The following IFT88 variants were observed in gnomAD, a reference collection of about 807,000 sequenced individuals.
IFT88 encodes the protein intraflagellar transport 88, also known as intraflagellar transport protein 88 homolog.
IFT88 carries 74 observed loss-of-function variants against 119.5 expected under a neutral mutation model. The ratio of observed to expected loss-of-function variants is 0.62; its 90% confidence interval spans 0.51 to 0.75. IFT88 has a LOEUF of 0.75. IFT88 is among the 30% of genes least tolerant of loss of function. The pLI is 0.00. For synonymous variants in IFT88, 279 were observed against 316.7 expected, an observed-to-expected ratio of 0.88 and a Z score of 1.26; for missense variants, 961 against 977.7, an observed-to-expected ratio of 0.98 and a Z score of 0.23.
intron 13 of IFT88, among the ~76,000 whole-genome samples, chr13:20,612,733 A>C (rs1359508477): frequency 6.6e-6 from 1 of 152,234 alleles, no homozygotes; most frequent in African/African-American, 2.4e-5. Context: ...AGCAACATTG[A>C]TGAAGACACT....
At chr13:20,568,821 T>C (rs768633441) in intron 1 of IFT88, among the ~76,000 whole-genome samples, 2 of 152,036 alleles carry the variant, frequency 1.3e-5, no homozygotes, top group South Asian at 4.1e-4. Context: ...CCCGGGTTCA[T>C]GCCATTCTCC....
At chr13:20,583,142 A>G (rs1017799243) in intron 3 of IFT88, 123 bp downstream of exon 3, 2 of 574,356 alleles carry the variant, frequency 3.5e-6, no homozygotes, top group Non-Finnish European at 6.1e-6. Flanking sequence ...TTAAGTTTAG[A>G]TGGTAGTGAA....
Position 20,593,157 on chromosome 13 carries a change from G to A in IFT88, c.398+753G>A, listed in dbSNP as rs559507332. ...TTTTATAGAACAAACTTAATTTAGTGCTAGTGGCTAGACAGTAGCCAAAAA... is the reference window on the plus strand; with the variant it reads ...TTTTATAGAACAAACTTAATTTAGTACTAGTGGCTAGACAGTAGCCAAAAA... On this transcript the variant is annotated intron_variant, in intron 7 of 25. Transcript: ENST00000351808. Among the ~76,000 whole-genome samples the A allele has an allele frequency of 2.0e-5, 3 of 152,266 alleles. No homozygotes were observed. In the South Asian group the frequency reaches 6.2e-4, roughly 32 times the overall value.
intron 23 of IFT88, among the ~76,000 whole-genome samples, chr13:20,665,670 A>G (rs1053396307): frequency 6.6e-6 from 1 of 152,216 alleles, no homozygotes; most frequent in Non-Finnish European, 1.5e-5. Flanking sequence ...ACTCTCATGC[A>G]TTGCCCTGTG....
chr13:20,590,208 A>G (rs1444551045), intron 4 of IFT88, among the ~76,000 whole-genome samples: 1 of 152,176 alleles, frequency 6.6e-6, no homozygotes, highest in Non-Finnish European at 1.5e-5. Context: ...AGTGTATATA[A>G]TTGGGAAACA....
intron 6 of IFT88, 74 bp from the exon 7 acceptor site, chr13:20,592,261 G>T (rs887329062): frequency 2.8e-6 from 3 of 1,086,098 alleles, no homozygotes; most frequent in African/African-American, 3.2e-5. Flanking sequence ...GCTTATGCGA[G>T]GTTTTATATT....
At chr13:20,679,139 G>A (rs1417978659) in intron 24 of IFT88, among the ~76,000 whole-genome samples, 1 of 152,174 alleles carries the variant, frequency 6.6e-6, no homozygotes, top group Non-Finnish European at 1.5e-5. Flanking sequence ...CAGATGAGGA[G>A]TAATGCAAAA....
chr13:20,635,319 A>G (rs1594468887), intron 16 of IFT88, among the ~76,000 whole-genome samples: 1 of 152,176 alleles, frequency 6.6e-6, no homozygotes, highest in Non-Finnish European at 1.5e-5. Context: ...CTGAATGAAA[A>G]GACATGGCAC....
intron 23 of IFT88, among the ~76,000 whole-genome samples, chr13:20,667,057 T>A (rs2054829960): frequency 6.6e-6 from 1 of 152,236 alleles, no homozygotes; most frequent in Non-Finnish European, 1.5e-5. Context: ...TTCCGTCACT[T>A]TGTGCTCCAT....
intron 20 of IFT88, among the ~76,000 whole-genome samples, chr13:20,651,432 T>TAACA (rs755967854): frequency 0.21 from 30,691 of 145,046 alleles, 3,775 homozygotes; most frequent in African/African-American, 0.31. Context: ...TTACACATGT[T>TAACA]TGTGTAAGTA....
chr13:20,642,971 A>G (rs2050185937), intron 18 of IFT88: 1 of 151,048 alleles, frequency 6.6e-6, no homozygotes, highest in Admixed American at 6.6e-5. Context: ...ATATGAATAA[A>G]TTATTTGTAT....
intron 24 of IFT88, among the ~76,000 whole-genome samples, chr13:20,672,792 A>G (rs2056097167): frequency 6.6e-6 from 1 of 152,228 alleles, no homozygotes; most frequent in South Asian, 2.1e-4. Context: ...GCCTCAAATC[A>G]AGTCAAGTTC....
At chr13:20,568,806 C>T (rs926421033) in intron 1 of IFT88, among the ~76,000 whole-genome samples, 5 of 152,032 alleles carry the variant, frequency 3.3e-5, no homozygotes, top group South Asian at 2.1e-4. Flanking sequence ...CTGCAAGCTC[C>T]GCCTCCCGGG....
At chr13:20,643,973 G>A (rs1424897484) in intron 19 of IFT88, among the ~76,000 whole-genome samples, 1 of 152,068 alleles carries the variant, frequency 6.6e-6, no homozygotes, top group Non-Finnish European at 1.5e-5. Context: ...GGCCAGTCTC[G>A]AACTCCTGAC....
At chr13:20,649,149 A>C (rs947760065) in intron 20 of IFT88, among the ~76,000 whole-genome samples, 1 of 152,236 alleles carries the variant, frequency 6.6e-6, no homozygotes. Flanking sequence ...GACTTAAGCA[A>C]TGTATAAACC....
In IFT88 at chr13:20,592,373, G is replaced by C. The variant is rs774023811; in HGVS notation, c.367G>C (p.Ala123Pro). The C allele has an allele frequency of 1.9e-6, 3 of 1,611,162 alleles. No homozygotes were observed. Among genetic ancestry groups the C allele is most frequent in the Non-Finnish European group, 2.5e-6 (3 of 1,178,894 alleles). The change falls in exon 7 of 26, where the codon GCT (alanine) becomes CCT (proline). Residue 123 changes from alanine (A) to proline (P), a missense_variant. By Grantham distance (27) the Ala-to-Pro change is conservative. Coordinates refer to ENST00000351808, the MANE Select transcript of IFT88 (RefSeq NM_006531.5). ...CCCCCTTAGTCAGTCAAGGGGCCCT[G>C]CTTCCCCTTTGGAAGCCAAGAAAAA... The part of the protein sequence containing the change: ...FDPLSQSRGP[A>P]SPLEAKKKDS...
chr13:20,585,617 T>G (rs545864706), intron 3 of IFT88, among the ~76,000 whole-genome samples: 1 of 152,290 alleles, frequency 6.6e-6, no homozygotes, highest in East Asian at 1.9e-4. Context: ...CTCCAGAAGC[T>G]GATGTGTCCC....
intron 3 of IFT88, among the ~76,000 whole-genome samples, chr13:20,583,683 A>T (rs2039131497): frequency 6.6e-6 from 1 of 152,188 alleles, no homozygotes. Flanking sequence ...TTGGTGTCAT[A>T]TTCAAGAAAT....
intron 13 of IFT88, among the ~76,000 whole-genome samples, chr13:20,611,936 T>G (rs965138521): frequency 6.6e-6 from 1 of 152,100 alleles, no homozygotes; most frequent in African/African-American, 2.4e-5. Flanking sequence ...ATCATTGAAC[T>G]GGAAGATTCT....
Sources: gnomAD v4.1 joint callset for allele counts (sites outside exome capture counted in the v4.1 genomes callset) on GRCh38, gnomAD v4.1.1 for gene constraint, MANE v1.5 for transcripts, NCBI Gene and HGNC (gene_info 2026-07-23, HGNC 2026-07-21) for gene names.